Variants in DCAF5 observed in about 807,000 individuals in gnomAD.
The protein encoded by DCAF5 is DDB1 and CUL4 associated factor 5.
Under a neutral mutation model 80.7 loss-of-function variants are expected in DCAF5, and 9 were observed. The observed-to-expected ratio is 0.11, with a 90% CI of 0.07 to 0.19. The LOEUF is 0.19. DCAF5 is among the 10% of genes least tolerant of loss of function. DCAF5 has a pLI of 1.00. For synonymous variants in DCAF5, 433 were observed against 461.9 expected, an observed-to-expected ratio of 0.94 and a Z score of 0.80; for missense variants, 842 against 1,205.7, an observed-to-expected ratio of 0.70 and a Z score of 4.47.
rs1376356639 is a variant in DCAF5, at chr14:69,054,939, G to T, written c.1747C>A (p.Gln583Lys). The change falls in exon 9 of 9, where the codon CAG becomes AAG. Residue 583 changes from glutamine to lysine, a missense_variant. This residue lies in a region of DCAF5 where 607 missense variants were observed against 656.6 expected (regional missense o/e 0.92). Coordinates refer to ENST00000341516, the MANE Select transcript of DCAF5 (RefSeq NM_003861.3). The part of the protein sequence containing the change: ...ELNERRASTW[Q>K]RNAMRRRQKT... ...TGTCGGCGCCGCATGGCATTCCGCT[G>T]CCAGGTAGAGGCTCGGCGTTCATTC... 1 of 1,614,262 alleles carries T rather than the reference G, an allele frequency of 6.2e-7. No homozygotes were observed. The highest frequency in any genetic ancestry group is 8.5e-7 in the Non-Finnish European group (1 of 1,180,050).
chr14:69,125,799 TA>T (rs2040853658), intron 1 of DCAF5, among the ~76,000 whole-genome samples: 1 of 152,042 alleles, frequency 6.6e-6, no homozygotes, highest in South Asian at 2.1e-4. Flanking sequence ...AACCTAATGG[TA>T]ATAAAAGCAA....
Position 69,152,173 on chromosome 14 carries a change from T to A in DCAF5, c.214+592A>T, listed in dbSNP as rs1170623165. On this transcript the variant is annotated intron_variant, in intron 1 of 8. Coordinates refer to ENST00000341516, the MANE Select transcript of DCAF5 (RefSeq NM_003861.3). This position sits in a 1 kb window ranked among gnomAD's most constrained non-coding sequence, Gnocchi z 4.1. Reference sequence around the variant, plus strand: ...GAACGAAAGGCGATGGTGCTGGGCCTCTAAGAGCGCCGAGGGGGGCGGCCC... The same window carrying A: ...GAACGAAAGGCGATGGTGCTGGGCCACTAAGAGCGCCGAGGGGGGCGGCCC... Among the ~76,000 whole-genome samples the A allele has an allele frequency of 6.6e-6, 1 of 152,088 alleles. No homozygotes were observed. The highest frequency in any genetic ancestry group is 1.5e-5 in the Non-Finnish European group (1 of 68,008).
chr14:69,125,219 C>T (rs1413280046), intron 1 of DCAF5, among the ~76,000 whole-genome samples: 1 of 152,112 alleles, frequency 6.6e-6, no homozygotes, highest in African/African-American at 2.4e-5. Flanking sequence ...TTCTGATGGA[C>T]AGTTGAAGGG....
intron 1 of DCAF5, among the ~76,000 whole-genome samples, chr14:69,143,033 C>T (rs1292630159): frequency 2.6e-5 from 4 of 152,158 alleles, no homozygotes; most frequent in African/African-American, 9.7e-5. Context: ...CTTTAGATAA[C>T]TGCAAACATC....
intron 6 of DCAF5, among the ~76,000 whole-genome samples, chr14:69,080,686 C>G (rs917524755): frequency 1.3e-5 from 2 of 152,168 alleles, no homozygotes; most frequent in Admixed American, 6.5e-5. Flanking sequence ...ACAGCAGATA[C>G]TCCTATATAA....
At chr14:69,067,335 ATCTTTTTT>A (rs2038484772) in intron 7 of DCAF5, among the ~76,000 whole-genome samples, 1 of 110,356 alleles carries the variant, frequency 9.1e-6, no homozygotes, top group Non-Finnish European at 1.8e-5. Context: ...CCGATTTCGT[ATCTTTTTT>A]TTTTTTTTTT....
intron 1 of DCAF5, among the ~76,000 whole-genome samples, chr14:69,151,595 A>AC (rs1225813686): frequency 2.0e-5 from 3 of 151,282 alleles, no homozygotes; most frequent in Admixed American, 6.6e-5. Flanking sequence ...AGCCGTCTTC[A>AC]CCCCCCCTCC....
rs1371342487 is a variant in DCAF5, at chr14:69,075,458, GAATA to G, written c.880-51_880-48del. 6 of 1,174,270 alleles carry G rather than the reference GAATA, an allele frequency of 5.1e-6. No individual in the cohort carries two copies. The African/African-American group carries it at 6.3e-5, about 12-fold the overall frequency. 72.7% of individuals were successfully genotyped at this position (1,174,270 alleles called of 1,614,324 possible). On this transcript the variant is annotated intron_variant, in intron 6 of 8. Transcript: ENST00000341516. ...AGATAACATTATATATTATAATATAGAATAAATACAATATGTAACAATAAACATA... is the reference window on the plus strand; with the variant it reads ...AGATAACATTATATATTATAATATAGAATACAATATGTAACAATAAACATA...
rs2040326232 is a variant in DCAF5 at position 69,110,538 on chromosome 14, G to C, written c.665+5828C>G. 3.3e-5 allele frequency among the ~76,000 whole-genome samples: 5 copies of C among 152,110 alleles called. No homozygotes were observed. The South Asian group carries it at 1.0e-3, about 32-fold the overall frequency. ...CTGCCTCGGCCTCCCACAGTGCTGG[G>C]ATTACAGGCGTGAGCCACTGCGTCC... On this transcript the variant is annotated intron_variant, in intron 5 of 8. Coordinates refer to ENST00000341516, the MANE Select transcript of DCAF5 (RefSeq NM_003861.3).
rs1407576831 is a variant in DCAF5 at position 69,051,923 on chromosome 14, G to A, written c.*1934C>T. Reference sequence around the variant, plus strand: ...CATTTTGGAAAAGCAAATGTAAAATGACTTGGGCTTATAAAACCAGCATTT... The same window carrying A: ...CATTTTGGAAAAGCAAATGTAAAATAACTTGGGCTTATAAAACCAGCATTT... On this transcript the variant is annotated 3_prime_UTR_variant, in exon 9 of 9. Coordinates refer to ENST00000341516, the MANE Select transcript of DCAF5 (RefSeq NM_003861.3). The A allele has an allele frequency of 6.6e-6, 1 of 152,556 alleles. No individual in the cohort carries two copies. The highest frequency in any genetic ancestry group is 1.9e-4 in the East Asian group (1 of 5,198). 9.5% of individuals were successfully genotyped at this position (152,556 alleles called of 1,614,324 possible).
chr14:69,078,623 G>A (rs532950999), intron 6 of DCAF5, among the ~76,000 whole-genome samples: 1 of 152,314 alleles, frequency 6.6e-6, no homozygotes, highest in South Asian at 2.1e-4. Flanking sequence ...GATCAACTCT[G>A]AGGACATCAC....
rs572881621 is a variant in DCAF5, at chr14:69,104,772, G to A, written c.665+11594C>T. On this transcript the variant is annotated intron_variant, in intron 5 of 8. Transcript: ENST00000341516. The stretch of plus-strand genomic sequence containing the variant: ...CTCAGGAGGCTGAGGCAGGAGAATC[G>A]CTTGAACCCAGGAGGTGGAGGTTGC... Among the ~76,000 whole-genome samples, 191 of 151,876 alleles carry A rather than the reference G, an allele frequency of 1.3e-3. 1 individual carries two copies. Among genetic ancestry groups the A allele is most frequent in the African/African-American group, 4.2e-3 (172 of 41,368 alleles).
rs1019678223 is a variant in DCAF5 at position 69,139,168 on chromosome 14, G to C, written c.214+13597C>G. ...CCTGTCTCAAAAAAGGAAAGAAACA[G>C]AGAGAGAGAGAAAGAAGAAAAAAAG... On this transcript the variant is annotated intron_variant, in intron 1 of 8. Transcript: ENST00000341516. Among the ~76,000 whole-genome samples, 9 of 151,510 alleles carry C rather than the reference G, an allele frequency of 5.9e-5. No individual in the cohort carries two copies. In the South Asian group the frequency reaches 1.9e-3, roughly 32 times the overall value.
intron 7 of DCAF5, among the ~76,000 whole-genome samples, chr14:69,069,373 A>T (rs766060319): frequency 5.8e-4 from 88 of 152,204 alleles, no homozygotes; most frequent in Non-Finnish European, 7.8e-4. Flanking sequence ...AGAACAACTC[A>T]ATCAGCCATT....
intron 7 of DCAF5, among the ~76,000 whole-genome samples, chr14:69,063,157 G>C (rs1036572827): frequency 3.9e-5 from 6 of 152,296 alleles, no homozygotes; most frequent in Non-Finnish European, 5.9e-5. Context: ...CAGAATTAGA[G>C]AGTGGGCCTT....
At chr14:69,084,243 G>A (rs2039230006) in intron 6 of DCAF5, 1 of 999,906 alleles carries the variant, frequency 1.0e-6, no homozygotes, top group Non-Finnish European at 1.6e-6. Flanking sequence ...ATGGGTGGCA[G>A]TAATAGATCT....
At chr14:69,106,395 G>T (rs2040161366) in intron 5 of DCAF5, among the ~76,000 whole-genome samples, 2 of 150,678 alleles carry the variant, frequency 1.3e-5, no homozygotes, top group South Asian at 2.1e-4. Flanking sequence ...TAGTGATAGG[G>T]TCTCATTCTG....
chr14:69,119,156 CAA>C (rs2040630420), intron 3 of DCAF5, 36 bp downstream of exon 3: 1 of 1,600,130 alleles, frequency 6.2e-7, no homozygotes, highest in East Asian at 2.2e-5. Context: ...ATATGAAAAA[CAA>C]AGTCAATCAC....
rs925079168 is a variant in DCAF5, at chr14:69,053,757, T to G, written c.*100A>C. 4.0e-5 allele frequency: 48 copies of G among 1,193,262 alleles called. No homozygotes were observed. In the African/African-American group the frequency reaches 5.9e-4, roughly 15 times the overall value. The allele number at this position is 1,193,262 out of a possible 1,614,324, so 73.9% of individuals were successfully genotyped here. A position where few individuals can be genotyped will look rare whatever the true frequency, so the allele number is the denominator to read the frequency against. On this transcript the variant is annotated 3_prime_UTR_variant, in exon 9 of 9. Transcript: ENST00000341516. ...CAAAATTTCAGGCCCTGGTTTCATGTGCCTTTAATACTTGTTTTTCCTTTC... is the reference window on the plus strand; with the variant it reads ...CAAAATTTCAGGCCCTGGTTTCATGGGCCTTTAATACTTGTTTTTCCTTTC...
Sources: allele counts gnomAD v4.1 joint callset (sites outside exome capture counted in the v4.1 genomes callset), GRCh38; gene constraint gnomAD v4.1.1; regional missense constraint gnomAD v4.1.1; non-coding constraint Gnocchi (gnomAD v3.1); transcripts MANE v1.5; gene names NCBI Gene and HGNC (gene_info 2026-07-23, HGNC 2026-07-21).